The following CFAP20DC variants were observed in gnomAD, a reference collection of about 807,000 sequenced individuals.
CFAP20DC encodes protein CFAP20DC.
CFAP20DC carries 84 observed loss-of-function variants against 101.7 expected under a neutral mutation model. The observed-to-expected ratio is 0.83, with a 90% confidence interval of 0.69 to 0.99. CFAP20DC has a LOEUF of 0.99. CFAP20DC is among the 50% of genes least tolerant of loss of function. The pLI, the probability that CFAP20DC is intolerant of heterozygous loss-of-function variation, is 0.00. For missense variants in CFAP20DC, 1,007 were observed against 970.3 expected, an observed-to-expected ratio of 1.04 and a Z score of -0.50; for synonymous variants, 359 against 351.2, an observed-to-expected ratio of 1.02 and a Z score of -0.25.
intron 14 of CFAP20DC, among the ~76,000 whole-genome samples, chr3:58,816,673 A>C (rs2075184338): frequency 6.6e-6 from 1 of 152,196 alleles, no homozygotes; most frequent in African/African-American, 2.4e-5. Flanking sequence ...CTAGCACAGC[A>C]GTCTGAGATC....
intron 14 of CFAP20DC, among the ~76,000 whole-genome samples, chr3:58,810,991 T>C (rs562537886): frequency 1.1e-3 from 163 of 152,142 alleles, no homozygotes; most frequent in African/African-American, 3.6e-3. Flanking sequence ...GGAATCCAAC[T>C]TACAAGGGAT....
At chr3:58,923,668 C>G (rs755023171) in intron 5 of CFAP20DC, among the ~76,000 whole-genome samples, 52 of 152,116 alleles carry the variant, frequency 3.4e-4, no homozygotes, top group Non-Finnish European at 5.9e-4. Context: ...TTCTTTATCA[C>G]TCTTTTTTCA....
chr3:58,990,002 A>G (rs180850762), intron 4 of CFAP20DC, among the ~76,000 whole-genome samples: 5 of 152,320 alleles, frequency 3.3e-5, no homozygotes, highest in Admixed American at 3.3e-4. Context: ...AGTAATTTGT[A>G]TCAAGAGAAA....
At chr3:58,772,115 T>G (rs2070902942) in intron 15 of CFAP20DC, among the ~76,000 whole-genome samples, 1 of 152,194 alleles carries the variant, frequency 6.6e-6, no homozygotes, top group Non-Finnish European at 1.5e-5. Flanking sequence ...TGTTTCTTGT[T>G]TTTGTCATTC....
At chr3:58,995,551 T>C (rs1421918519) in intron 4 of CFAP20DC, among the ~76,000 whole-genome samples, 1 of 83,946 alleles carries the variant, frequency 1.2e-5, no homozygotes, top group Non-Finnish European at 2.4e-5. Context: ...AACATTACTG[T>C]GAAGATCAAT....
intron 6 of CFAP20DC, among the ~76,000 whole-genome samples, chr3:58,900,671 T>G (rs1028760111): frequency 6.6e-6 from 1 of 152,206 alleles, no homozygotes; most frequent in South Asian, 2.1e-4. Context: ...AAATGGCACA[T>G]GAAAGAGAAG....
chr3:58,814,295 TC>T (rs2074933388), intron 14 of CFAP20DC, among the ~76,000 whole-genome samples: 1 of 151,884 alleles, frequency 6.6e-6, no homozygotes, highest in Non-Finnish European at 1.5e-5. Flanking sequence ...TGTTAGTGAC[TC>T]AGCCCCTCCT....
intron 4 of CFAP20DC, among the ~76,000 whole-genome samples, chr3:58,997,254 A>C (rs545782043): frequency 6.6e-5 from 10 of 152,342 alleles, no homozygotes; most frequent in South Asian, 2.1e-4. Context: ...CCTCATTAAA[A>C]AACTTGTGAA....
intron 3 of CFAP20DC, among the ~76,000 whole-genome samples, chr3:58,730,864 A>T (rs953026216): frequency 1.3e-5 from 2 of 152,166 alleles, no homozygotes; most frequent in African/African-American, 4.8e-5. Flanking sequence ...AAGGTGAATG[A>T]CAACCATTTT....
At chr3:58,842,570 C>T (rs906405296) in intron 13 of CFAP20DC, among the ~76,000 whole-genome samples, 2 of 152,190 alleles carry the variant, frequency 1.3e-5, no homozygotes, top group African/African-American at 4.8e-5. Flanking sequence ...AACTGCAAGG[C>T]GGCAGCGAGC....
chr3:58,739,718 T>C (rs1032528163), downstream of CFAP20DC, among the ~76,000 whole-genome samples: 5 of 152,220 alleles, frequency 3.3e-5, no homozygotes, highest in African/African-American at 1.2e-4. Flanking sequence ...GGTATTTTTA[T>C]TAACTTTCCA....
chr3:58,843,166 T>C, intron 13 of CFAP20DC, among the ~76,000 whole-genome samples: 1 of 152,146 alleles, frequency 6.6e-6, no homozygotes, highest in Non-Finnish European at 1.5e-5. Flanking sequence ...GGATGGAGAA[T>C]GACTTTGATG....
At chr3:58,726,770 C>G (rs1212163450) in intron 3 of CFAP20DC, 1 of 232,706 alleles carries the variant, frequency 4.3e-6, no homozygotes, top group African/African-American at 2.4e-5. Context: ...CCCAATACTT[C>G]CACTGACACC....
intron 5 of CFAP20DC, among the ~76,000 whole-genome samples, chr3:58,916,903 C>T (rs1244403224): frequency 6.6e-6 from 1 of 152,132 alleles, no homozygotes; most frequent in Non-Finnish European, 1.5e-5. Context: ...ATCTGAGTTA[C>T]AGCTGAACTT....
At chr3:58,764,237 G>A (rs1352922202) in intron 15 of CFAP20DC, among the ~76,000 whole-genome samples, 1 of 152,154 alleles carries the variant, frequency 6.6e-6, no homozygotes, top group East Asian at 1.9e-4. Flanking sequence ...CAGCAATGGA[G>A]GGCGCCCCTC....
At chr3:58,849,444 C>T in intron 12 of CFAP20DC, 35 bp from the exon 13 acceptor site, 3 of 1,460,996 alleles carry the variant, frequency 2.1e-6, no homozygotes, top group Admixed American at 2.7e-5. Flanking sequence ...TAATTTTGAG[C>T]AGAAATTTGT....
chr3:58,951,482 C>A (rs1415695280), intron 4 of CFAP20DC, among the ~76,000 whole-genome samples: 1 of 152,130 alleles, frequency 6.6e-6, no homozygotes, highest in Non-Finnish European at 1.5e-5. Context: ...GCACTATTCA[C>A]AATAGCAAAG....
In CFAP20DC at chr3:58,722,402, G is replaced by A. The variant is rs559979486; in HGVS notation, c.198-4774C>T. Among the ~76,000 whole-genome samples, 4 of 152,276 alleles carry A rather than the reference G, an allele frequency of 2.6e-5. No individual in the cohort carries two copies. In the East Asian group the frequency reaches 5.8e-4, roughly 22 times the overall value. ...TTGTGCAGTGAGAGGTAACTGGGAC[G>A]CATGTTAAAGGAGCCATGATAGGCA... On this transcript the variant is annotated intron_variant, in intron 3 of 3. Coordinates refer to the CFAP20DC transcript ENST00000486145. This position sits in a 1 kb window ranked among gnomAD's most constrained non-coding sequence, Gnocchi z 4.5.
At chr3:58,865,921 A>G (rs1411787073) in intron 11 of CFAP20DC, among the ~76,000 whole-genome samples, 2 of 152,216 alleles carry the variant, frequency 1.3e-5, no homozygotes, top group African/African-American at 4.8e-5. Context: ...TTTCCATATC[A>G]ATTGTAATGA....
Sources: allele counts gnomAD v4.1 joint callset (sites outside exome capture counted in the v4.1 genomes callset), GRCh38; gene constraint gnomAD v4.1.1; non-coding constraint Gnocchi (gnomAD v3.1); transcripts MANE v1.5; gene names NCBI Gene and HGNC (gene_info 2026-07-23, HGNC 2026-07-21).